CACNA2D3: variants seen among roughly 807,000 people sequenced by gnomAD.
CACNA2D3 encodes the protein calcium voltage-gated channel auxiliary subunit alpha2delta 3, also known as voltage-dependent calcium channel subunit alpha-2/delta-3.
Under a neutral mutation model 160.6 loss-of-function variants are expected in CACNA2D3, and 60 were observed. That is an observed-to-expected ratio of 0.37 (90% CI 0.30 to 0.46). The LOEUF is 0.46. CACNA2D3 is among the 20% of genes least tolerant of loss of function. The probability of loss-of-function intolerance (pLI) is 1.00; values close to 1 mark genes in which losing one functional copy is unlikely to be tolerated. For synonymous variants in CACNA2D3, 558 were observed against 492.9 expected (o/e 1.13, Z -1.75); for missense variants, 1,205 against 1,365.0 (o/e 0.88, Z 1.85).
At chr3:55,033,509 C>T (rs1214950615) in intron 35 of CACNA2D3, among the ~76,000 whole-genome samples, 3 of 149,694 alleles carry the variant, frequency 2.0e-5, no homozygotes, top group Non-Finnish European at 4.4e-5. Flanking sequence ...ACAATGATAA[C>T]ACAGTGTATA....
intron 2 of CACNA2D3, among the ~76,000 whole-genome samples, chr3:54,164,530 G>T (rs527542804): frequency 6.6e-6 from 1 of 152,238 alleles, no homozygotes; most frequent in East Asian, 1.9e-4. Flanking sequence ...CTTATCTCTG[G>T]TCTTTTTGTC....
At chr3:54,618,412 C>G (rs182760049) in intron 9 of CACNA2D3, among the ~76,000 whole-genome samples, 2 of 146,122 alleles carry the variant, frequency 1.4e-5, no homozygotes, top group Non-Finnish European at 1.5e-5. Flanking sequence ...CACACACACA[C>G]AGTGCCTTAC....
chr3:54,647,498 C>T (rs1442953859), intron 11 of CACNA2D3, among the ~76,000 whole-genome samples: 1 of 152,204 alleles, frequency 6.6e-6, no homozygotes, highest in East Asian at 1.9e-4. Flanking sequence ...CTCAGTTCTC[C>T]TCTCCATGGG....
intron 13 of CACNA2D3, among the ~76,000 whole-genome samples, chr3:54,811,158 C>T (rs909499042): frequency 6.6e-6 from 1 of 152,222 alleles, no homozygotes; most frequent in Non-Finnish European, 1.5e-5. Context: ...GCCTACCCTA[C>T]ACCTCTGCCT....
chr3:54,650,291 C>T lies in CACNA2D3; in HGVS notation c.1167+8050C>T, dbSNP rs139983846. ...TTGGCTAACTGCAACCTCCGCCTCC[C>T]GGGTTCAAGTGGTTACTCATGCCTC... On this transcript the variant is annotated intron_variant, in intron 11 of 37. Transcript: ENST00000474759. Among the ~76,000 whole-genome samples the T allele has an allele frequency of 4.3e-3, 654 of 151,916 alleles. 4 individuals carry two copies. Among genetic ancestry groups the T allele is most frequent in the African/African-American group, 0.015 (601 of 41,382 alleles).
chr3:54,160,605 A>G (rs193233711), intron 2 of CACNA2D3, among the ~76,000 whole-genome samples: 1 of 152,362 alleles, frequency 6.6e-6, no homozygotes, highest in Admixed American at 6.5e-5. Flanking sequence ...ACTATTGATC[A>G]TTTAGAAAAG....
At chr3:54,542,158 T>G (rs1293902931) in intron 5 of CACNA2D3, among the ~76,000 whole-genome samples, 1 of 151,828 alleles carries the variant, frequency 6.6e-6, no homozygotes, top group Non-Finnish European at 1.5e-5. Context: ...GACTCCCTGG[T>G]TCAAGCAATT....
At chr3:55,036,432 T>G (rs1007669002) in intron 35 of CACNA2D3, among the ~76,000 whole-genome samples, 2 of 151,872 alleles carry the variant, frequency 1.3e-5, no homozygotes, top group Non-Finnish European at 2.9e-5. Flanking sequence ...AACCCTTGTG[T>G]TTTATTTTTA....
At chr3:54,432,566 T>C (rs1045684226) in intron 4 of CACNA2D3, among the ~76,000 whole-genome samples, 11 of 152,174 alleles carry the variant, frequency 7.2e-5, no homozygotes, top group Admixed American at 4.6e-4. Flanking sequence ...GCATTCTAAG[T>C]GTTCAGTGCC....
intron 10 of CACNA2D3, among the ~76,000 whole-genome samples, chr3:54,641,810 T>C (rs934188490): frequency 3.3e-5 from 5 of 152,310 alleles, no homozygotes; most frequent in African/African-American, 1.2e-4. Context: ...TATAACCAGG[T>C]ATGTCTGACC....
chr3:54,657,709 T>C (rs2106875044), intron 11 of CACNA2D3, among the ~76,000 whole-genome samples: 1 of 152,308 alleles, frequency 6.6e-6, no homozygotes, highest in East Asian at 1.9e-4. Flanking sequence ...GATTTCCTTC[T>C]TTCCAAGGCT....
chr3:54,184,260 C>T (rs925543487), intron 2 of CACNA2D3, among the ~76,000 whole-genome samples: 10 of 152,204 alleles, frequency 6.6e-5, no homozygotes, highest in Admixed American at 1.3e-4. Flanking sequence ...TCAGGCTGTG[C>T]GCTGCCTCTG....
chr3:54,576,484 G>C (rs751526608), intron 8 of CACNA2D3, among the ~76,000 whole-genome samples: 4 of 152,202 alleles, frequency 2.6e-5, no homozygotes, highest in Non-Finnish European at 5.9e-5. Context: ...TCACTTTGCT[G>C]TGTCTGTAAA....
intron 2 of CACNA2D3, among the ~76,000 whole-genome samples, chr3:54,231,986 C>A (rs987975590): frequency 2.0e-5 from 3 of 152,230 alleles, no homozygotes; most frequent in African/African-American, 7.2e-5. Context: ...GGCTCAGCCC[C>A]CGACTCTGGA....
chr3:54,610,456 C>A (rs1319037829), intron 9 of CACNA2D3, among the ~76,000 whole-genome samples: 1 of 148,748 alleles, frequency 6.7e-6, no homozygotes, highest in East Asian at 1.9e-4. Flanking sequence ...TTTTTTAAGT[C>A]CGTTTCAATG....
chr3:54,959,805 G>A (rs1032006601), intron 27 of CACNA2D3, among the ~76,000 whole-genome samples: 2 of 152,146 alleles, frequency 1.3e-5, no homozygotes, highest in Non-Finnish European at 2.9e-5. Context: ...AGAACTTTGT[G>A]AGCATAAAAT....
At chr3:54,834,621 G>C (rs1698629803) in intron 14 of CACNA2D3, among the ~76,000 whole-genome samples, 3 of 152,142 alleles carry the variant, frequency 2.0e-5, no homozygotes, top group African/African-American at 7.2e-5. Flanking sequence ...AATTAAAGTT[G>C]TTTACATATT....
chr3:54,210,980 A>G (rs1158667750), intron 2 of CACNA2D3, among the ~76,000 whole-genome samples: 1 of 152,136 alleles, frequency 6.6e-6, no homozygotes, highest in African/African-American at 2.4e-5. Flanking sequence ...TTAACTTTTA[A>G]AAGAGGTAGT....
chr3:54,655,047 A>G (rs1281902197), intron 11 of CACNA2D3, among the ~76,000 whole-genome samples: 2 of 152,158 alleles, frequency 1.3e-5, no homozygotes, highest in Non-Finnish European at 2.9e-5. Context: ...ACAGAGCCCA[A>G]TCCAACGTGT....
Sources: allele counts gnomAD v4.1 joint callset (sites outside exome capture counted in the v4.1 genomes callset), GRCh38; gene constraint gnomAD v4.1.1; transcripts MANE v1.5; gene names NCBI Gene and HGNC (gene_info 2026-07-23, HGNC 2026-07-21).